The following DENND1B variants were observed in gnomAD, a reference collection of about 807,000 sequenced individuals.
The protein encoded by DENND1B is DENN domain-containing protein 1B.
Under a neutral mutation model 90.1 loss-of-function variants are expected in DENND1B, and 59 were observed. The observed-to-expected ratio is 0.65, with a 90% CI of 0.53 to 0.81. The LOEUF is 0.81. Among genes scored for constraint, DENND1B ranks in the 40% least tolerant of loss-of-function variants. The pLI is 0.00. For missense variants in DENND1B, 862 were observed against 912.6 expected, an observed-to-expected ratio of 0.94 and a Z score of 0.71; for synonymous variants, 337 against 324.6, an observed-to-expected ratio of 1.04 and a Z score of -0.41.
intron 2 of DENND1B, among the ~76,000 whole-genome samples, chr1:197,724,429 C>T (rs1288655224): frequency 6.6e-6 from 1 of 152,020 alleles, no homozygotes; most frequent in African/African-American, 2.4e-5. Context: ...ACTGTAAATG[C>T]AATAACTCTT....
intron 2 of DENND1B, among the ~76,000 whole-genome samples, chr1:197,759,742 CA>C (rs1196523150): frequency 4.5e-3 from 172 of 38,144 alleles, no homozygotes; most frequent in African/African-American, 0.014. Context: ...GACTCCGTCT[CA>C]AAAAAAAAAA....
At position 197,510,308 on chromosome 1, in the gene DENND1B, T is replaced by G. The variant is rs1033556395; in HGVS notation, c.*152A>C. The G allele has an allele frequency of 1.2e-6, 1 of 851,580 alleles. No individual in the cohort carries two copies. Among genetic ancestry groups the G allele is most frequent in the Admixed American group, 3.2e-5 (1 of 31,086 alleles). The allele number at this position is 851,580 out of a possible 1,614,324, so 52.8% of individuals were successfully genotyped here. A position where few individuals can be genotyped will look rare whatever the true frequency, so the allele number is the denominator to read the frequency against. On this transcript the variant is annotated 3_prime_UTR_variant, in exon 23 of 23. Transcript: ENST00000620048. ...CTTTATATTTAAAAATCAATGCATTTCATATATCCTCGAAATGAACAAGTG... is the reference window on the plus strand; with the variant it reads ...CTTTATATTTAAAAATCAATGCATTGCATATATCCTCGAAATGAACAAGTG...
intron 2 of DENND1B, among the ~76,000 whole-genome samples, chr1:197,719,756 G>A (rs1660983907): frequency 1.3e-5 from 2 of 152,162 alleles, no homozygotes; most frequent in South Asian, 4.1e-4. Context: ...AGTGGCTGCA[G>A]ATCTGAATTA....
intron 3 of DENND1B, chr1:197,690,245 C>A (rs1657720716): frequency 7.3e-6 from 2 of 272,420 alleles, no homozygotes. Flanking sequence ...CTGGTGACAG[C>A]AAAAATGACT....
chr1:197,775,126 C>T lies in DENND1B; in HGVS notation c.17+13G>A. 1 of 1,279,722 alleles carries T rather than the reference C, an allele frequency of 7.8e-7. No homozygotes were observed. Among genetic ancestry groups the T allele is most frequent in the Non-Finnish European group, 1.0e-6 (1 of 1,000,646 alleles). The allele number at this position is 1,279,722 out of a possible 1,614,324, so 79.3% of individuals were successfully genotyped here. ...GACGCCCGCCCCCGACGCGCCCGGG[C>T]CCCCCCACTCACTTGGTCCTGCAGT... On this transcript the variant is annotated intron_variant, in intron 1 of 22. Transcript: ENST00000620048.
chr1:197,608,085 AGTGGTG>A (rs1312313012), intron 12 of DENND1B, among the ~76,000 whole-genome samples: 1 of 150,576 alleles, frequency 6.6e-6, no homozygotes, highest in Non-Finnish European at 1.5e-5. Context: ...GTATTTTTTA[AGTGGTG>A]GTCTACAATA....
At chr1:197,604,490 A>G (rs924492269) in intron 13 of DENND1B, among the ~76,000 whole-genome samples, 2 of 151,244 alleles carry the variant, frequency 1.3e-5, no homozygotes, top group Non-Finnish European at 3.0e-5. Flanking sequence ...ACAGGAAAAA[A>G]GAACTAGTAA....
chr1:197,754,540 C>A (rs889676792), intron 2 of DENND1B, among the ~76,000 whole-genome samples: 2 of 151,732 alleles, frequency 1.3e-5, no homozygotes, highest in Non-Finnish European at 2.9e-5. Flanking sequence ...CACCTGTAAT[C>A]CCACTTACTC....
At chr1:197,668,952 A>AT (rs1157556672) in intron 5 of DENND1B, among the ~76,000 whole-genome samples, 3 of 151,534 alleles carry the variant, frequency 2.0e-5, no homozygotes, top group African/African-American at 4.8e-5. Flanking sequence ...TAATGGGCTC[A>AT]TTTTTTTTAC....
intron 10 of DENND1B, among the ~76,000 whole-genome samples, chr1:197,619,281 A>C (rs933031823): frequency 2.0e-5 from 3 of 151,234 alleles, no homozygotes; most frequent in Non-Finnish European, 4.4e-5. Flanking sequence ...TATTTATGTT[A>C]CAAACTGCAG....
intron 1 of DENND1B, among the ~76,000 whole-genome samples, chr1:197,774,336 T>A (rs1656997516): frequency 6.6e-6 from 1 of 152,220 alleles, no homozygotes; most frequent in African/African-American, 2.4e-5. Context: ...TGGCATTATT[T>A]TAAACTTTTT....
intron 2 of DENND1B, among the ~76,000 whole-genome samples, chr1:197,758,892 G>A (rs1357256292): frequency 6.6e-6 from 1 of 150,396 alleles, no homozygotes; most frequent in Non-Finnish European, 1.5e-5. Context: ...AAGGAAAAAG[G>A]TTCAAAAGGC....
At chr1:197,519,570 GAACA>G (rs1668627615) in intron 20 of DENND1B, among the ~76,000 whole-genome samples, 3 of 151,950 alleles carry the variant, frequency 2.0e-5, no homozygotes, top group South Asian at 2.1e-4. Context: ...GAATTAAATT[GAACA>G]GTCATACAAA....
intron 3 of DENND1B, among the ~76,000 whole-genome samples, chr1:197,713,872 CTA>C (rs1312694462): frequency 1.5e-3 from 1 of 682 alleles, no homozygotes; most frequent in African/African-American, 6.0e-3. Flanking sequence ...TTATATATAA[CTA>C]TTGTTATATA....
At chr1:197,671,995 T>C in intron 5 of DENND1B, 42 bp downstream of exon 5, 1 of 1,591,862 alleles carries the variant, frequency 6.3e-7, no homozygotes, top group Non-Finnish European at 8.6e-7. Flanking sequence ...AGAGAGATAG[T>C]TACCTATTTT....
chr1:197,589,656 T>C (rs778213325), intron 14 of DENND1B, among the ~76,000 whole-genome samples: 3 of 152,156 alleles, frequency 2.0e-5, no homozygotes, highest in Non-Finnish European at 4.4e-5. Context: ...AATCACTAAA[T>C]ACAACAACAT....
chr1:197,671,928 C>T, intron 5 of DENND1B, 109 bp downstream of exon 5: 1 of 1,134,042 alleles, frequency 8.8e-7, no homozygotes, highest in Middle Eastern at 2.7e-4. Context: ...AATTATTTTT[C>T]AACTTGTTTT....
chr1:197,650,575 T>C (rs112461320), intron 7 of DENND1B, among the ~76,000 whole-genome samples: 3,685 of 152,286 alleles, frequency 0.024, 152 homozygotes, highest in African/African-American at 0.084. Flanking sequence ...CACACGTTTA[T>C]AGCAGCACAA....
intron 2 of DENND1B, among the ~76,000 whole-genome samples, chr1:197,760,150 G>A (rs951947677): frequency 6.6e-5 from 10 of 152,104 alleles, no homozygotes; most frequent in African/African-American, 2.2e-4. Context: ...TCATGATTTG[G>A]AAGGCATTCC....
Sources: gnomAD v4.1 joint callset for allele counts (sites outside exome capture counted in the v4.1 genomes callset) on GRCh38, gnomAD v4.1.1 for gene constraint, MANE v1.5 for transcripts, NCBI Gene and HGNC (gene_info 2026-07-23, HGNC 2026-07-21) for gene names.